Variants in ATG4C observed in about 807,000 individuals in gnomAD.
The protein encoded by ATG4C is cysteine protease ATG4C.
ATG4C carries 56 observed loss-of-function variants against 57.6 expected under a neutral mutation model. That is an observed-to-expected ratio of 0.97 (90% CI 0.78 to 1.21). The LOEUF (loss-of-function observed/expected upper bound fraction) is 1.21, where lower values mean the gene tolerates loss of function less well. ATG4C is among the 50% of genes most tolerant of loss of function. The pLI is 0.00. For missense variants in ATG4C, 595 were observed against 529.8 expected, an observed-to-expected ratio of 1.12 and a Z score of -1.21; for synonymous variants, 157 against 174.1, an observed-to-expected ratio of 0.90 and a Z score of 0.78.
chr1:62,826,241 T>C (rs1363252518), intron 6 of ATG4C, among the ~76,000 whole-genome samples: 1 of 198 alleles, frequency 5.1e-3, no homozygotes, highest in Non-Finnish European at 0.016. Flanking sequence ...CATTCCCTAT[T>C]TTTTTTTTTT....
At position 62,850,854 on chromosome 1, in the gene ATG4C, G is replaced by GTGTATGTA. The variant is rs1402010901; in HGVS notation, c.1209+9308_1209+9309insGTATGTAT. On this transcript the variant is annotated intron_variant, in intron 10 of 10. Transcript: ENST00000317868. The stretch of plus-strand genomic sequence containing the variant: ...CATGTATGTATGTGTGTGTATGTAT[G>GTGTATGTA]TATATATATATATATATATATATAT... Among the ~76,000 whole-genome samples the GTGTATGTA allele has an allele frequency of 4.0e-3, 338 of 84,106 alleles. 19 individuals are homozygous for GTGTATGTA. The highest frequency in any genetic ancestry group is 7.4e-3 in the Middle Eastern group (1 of 136). The allele number at this position is 84,106 out of a possible 152,430, so 55.2% of individuals were successfully genotyped here.
intron 1 of ATG4C, among the ~76,000 whole-genome samples, chr1:62,803,366 A>G (rs1664745693): frequency 6.6e-6 from 1 of 152,174 alleles, no homozygotes; most frequent in Admixed American, 6.5e-5. Flanking sequence ...CAAATCTTGG[A>G]TATTCTCACT....
intron 10 of ATG4C, among the ~76,000 whole-genome samples, chr1:62,858,991 T>C (rs1024008379): frequency 6.6e-6 from 1 of 151,384 alleles, no homozygotes; most frequent in Non-Finnish European, 1.5e-5. Context: ...AAATGTGTTG[T>C]TAGGTGATTT....
chr1:62,824,949 G>A (rs1042537638), intron 6 of ATG4C, among the ~76,000 whole-genome samples: 2 of 152,012 alleles, frequency 1.3e-5, no homozygotes, highest in Admixed American at 1.3e-4. Flanking sequence ...GATTATAAGT[G>A]TGAGCTGGCT....
At chr1:62,817,063 A>G (rs1191595476) in intron 4 of ATG4C, among the ~76,000 whole-genome samples, 1 of 152,140 alleles carries the variant, frequency 6.6e-6, no homozygotes, top group Admixed American at 6.6e-5. Context: ...CTTGGTCACC[A>G]TTATGAGTTA....
At chr1:62,787,530 T>C (rs1664132668) in intron 1 of ATG4C, among the ~76,000 whole-genome samples, 3 of 152,192 alleles carry the variant, frequency 2.0e-5, no homozygotes, top group African/African-American at 7.2e-5. Flanking sequence ...GCTTCATTCA[T>C]GTAATTTTTG....
At chr1:62,830,706 A>C (rs946817362) in intron 7 of ATG4C, among the ~76,000 whole-genome samples, 1 of 151,844 alleles carries the variant, frequency 6.6e-6, no homozygotes, top group African/African-American at 2.4e-5. Context: ...ATTTATTTAT[A>C]TTTTTTTAAG....
Position 62,809,860 on chromosome 1 carries a change from A to G in ATG4C, c.160+4605A>G, listed in dbSNP as rs149440657. 2.4e-3 allele frequency among the ~76,000 whole-genome samples: 369 copies of G among 152,028 alleles called. 2 individuals carry two copies. Among genetic ancestry groups the G allele is most frequent in the Admixed American group, 0.022 (338 of 15,268 alleles). On this transcript the variant is annotated intron_variant, in intron 3 of 10. Transcript: ENST00000317868. ...TGAAGGGAATGCAAAATAAAATGAGATACTGTTCTTACTTATCAGATATAA... is the reference window on the plus strand; with the variant it reads ...TGAAGGGAATGCAAAATAAAATGAGGTACTGTTCTTACTTATCAGATATAA...
chr1:62,813,566 A>T (rs1665163179), intron 3 of ATG4C, among the ~76,000 whole-genome samples: 1 of 152,238 alleles, frequency 6.6e-6, no homozygotes, highest in Non-Finnish European at 1.5e-5. Context: ...AAAACACCAA[A>T]AGCAATGGCA....
chr1:62,860,148 A>G (rs796717073), intron 10 of ATG4C, among the ~76,000 whole-genome samples: 12 of 152,242 alleles, frequency 7.9e-5, no homozygotes, highest in African/African-American at 2.6e-4. Context: ...CAATACCACT[A>G]TCTTCTACCC....
At chr1:62,841,753 T>G (rs781058632) in intron 10 of ATG4C, among the ~76,000 whole-genome samples, 1 of 152,166 alleles carries the variant, frequency 6.6e-6, no homozygotes, top group African/African-American at 2.4e-5. Context: ...AAGTTGAAAG[T>G]ATTGATTGGT....
intron 6 of ATG4C, among the ~76,000 whole-genome samples, chr1:62,826,049 A>G (rs921742158): frequency 2.0e-5 from 3 of 152,056 alleles, no homozygotes. Context: ...CTGGGATTAC[A>G]GGTGCCTGCC....
At position 62,819,328 on chromosome 1, in the gene ATG4C, A is replaced by G. The variant is rs201768764; in HGVS notation, c.718A>G (p.Ile240Val). Residue 240 changes from isoleucine (I) to valine (V), a missense_variant, in exon 5 of 11, where the codon ATT (isoleucine) becomes GTT (valine). Physicochemically the swap from Ile to Val is conservative, Grantham distance 29. Transcript: ENST00000317868. ...GTATGGACCAGCTGTGGTTGCTCAC[A>G]TTTTAAGGTAAAATTGTTTTAAAAT... ...DWYGPAVVAHILRKAVEEARH... is the reference protein window; with the variant it reads ...DWYGPAVVAHVLRKAVEEARH... 118 of 1,575,706 alleles carry G rather than the reference A, an allele frequency of 7.5e-5. No homozygotes were observed. The highest frequency in any genetic ancestry group is 1.2e-4 in the Admixed American group (6 of 49,794).
At chr1:62,799,651 G>A (rs927212771) in intron 1 of ATG4C, among the ~76,000 whole-genome samples, 2 of 152,012 alleles carry the variant, frequency 1.3e-5, no homozygotes, top group African/African-American at 4.8e-5. Context: ...TACATAGTAG[G>A]TGTATATATT....
chr1:62,826,827 G>A (rs1490664005), intron 6 of ATG4C, among the ~76,000 whole-genome samples: 1 of 146,562 alleles, frequency 6.8e-6, no homozygotes, highest in East Asian at 2.1e-4. Context: ...CCACCTATGA[G>A]TGAGAACATG....
At chr1:62,798,234 T>A (rs72917233) in intron 1 of ATG4C, among the ~76,000 whole-genome samples, 5,864 of 152,300 alleles carry the variant, frequency 0.039, 388 homozygotes, top group African/African-American at 0.13. Context: ...TCATCTAGAA[T>A]TCATCATTTA....
intron 9 of ATG4C, among the ~76,000 whole-genome samples, chr1:62,840,053 T>C (rs1666120828): frequency 6.6e-6 from 1 of 152,198 alleles, no homozygotes; most frequent in African/African-American, 2.4e-5. Context: ...CAACTTATTT[T>C]TTCCACACTT....
At chr1:62,839,083 G>A (rs917552366) in intron 9 of ATG4C, among the ~76,000 whole-genome samples, 1 of 152,158 alleles carries the variant, frequency 6.6e-6, no homozygotes, top group African/African-American at 2.4e-5. Context: ...TCTAGAGATG[G>A]AGTTTTGTTC....
At chr1:62,792,105 C>T (rs1245574777) in intron 1 of ATG4C, among the ~76,000 whole-genome samples, 1 of 152,108 alleles carries the variant, frequency 6.6e-6, no homozygotes, top group Non-Finnish European at 1.5e-5. Context: ...TCAAGCAGTT[C>T]TCTGCCTCAG....
Sources: gnomAD v4.1 joint callset for allele counts (sites outside exome capture counted in the v4.1 genomes callset) on GRCh38, gnomAD v4.1.1 for gene constraint, MANE v1.5 for transcripts, NCBI Gene and HGNC (gene_info 2026-07-23, HGNC 2026-07-21) for gene names.